The following WDR25 variants were observed in gnomAD, a reference collection of about 807,000 sequenced individuals.
WDR25 encodes WD repeat domain 25, also known as WD repeat-containing protein 25.
A neutral mutation model predicts 47.7 loss-of-function variants in WDR25; 35 were observed. That is an observed-to-expected ratio of 0.73 (90% CI 0.56 to 0.97). The LOEUF is 0.97. Among genes scored for constraint, WDR25 ranks in the 50% least tolerant of loss-of-function variants. WDR25 has a pLI of 0.00. For synonymous variants in WDR25, 248 were observed against 278.9 expected (o/e 0.89, Z 1.10); for missense variants, 634 against 704.7 (o/e 0.90, Z 1.14).
chr14:100,508,414 G>A (rs745435615), intron 4 of WDR25, among the ~76,000 whole-genome samples: 12 of 152,152 alleles, frequency 7.9e-5, no homozygotes, highest in South Asian at 2.1e-4. Context: ...AGTACTGGAA[G>A]TCCTAGCCAG....
chr14:100,427,878 G>A (rs529981763), intron 2 of WDR25, among the ~76,000 whole-genome samples: 1 of 152,324 alleles, frequency 6.6e-6, no homozygotes, highest in African/African-American at 2.4e-5. Flanking sequence ...CTCAGTGTCA[G>A]GAGATGACTC....
rs111976266 is a variant in WDR25 at position 100,513,397 on chromosome 14, C to T, written c.1102-12473C>T. The stretch of plus-strand genomic sequence containing the variant: ...ACAAGCAAGAAGGTGCAAGCCCTCA[C>T]CAGACACTGAATCTGCTGGCACCTC... On this transcript the variant is annotated intron_variant, in intron 4 of 6. Coordinates refer to ENST00000402312, the MANE Select transcript of WDR25 (RefSeq NM_001161476.3). 2.2e-3 allele frequency among the ~76,000 whole-genome samples: 329 copies of T among 152,294 alleles called. 2 individuals are homozygous for T. Among genetic ancestry groups the T allele is most frequent in the African/African-American group, 7.8e-3 (325 of 41,556 alleles).
At chr14:100,411,611 A>G (rs1228059537) in intron 2 of WDR25, among the ~76,000 whole-genome samples, 1 of 150,040 alleles carries the variant, frequency 6.7e-6, no homozygotes, top group African/African-American at 2.5e-5. Context: ...GTCTTGGCTC[A>G]CTGCAACTGC....
chr14:100,501,250 G>A (rs1489277754), intron 4 of WDR25, among the ~76,000 whole-genome samples: 2 of 152,148 alleles, frequency 1.3e-5, no homozygotes, highest in Non-Finnish European at 2.9e-5. Flanking sequence ...GAGGATTAAG[G>A]AGGTCACATG....
intron 2 of WDR25, among the ~76,000 whole-genome samples, chr14:100,412,610 G>C (rs1228586311): frequency 6.6e-6 from 1 of 152,088 alleles, no homozygotes; most frequent in African/African-American, 2.4e-5. Flanking sequence ...ATGTATATGT[G>C]TTTAGGTATT....
At chr14:100,445,761 G>A (rs1164704362) in intron 2 of WDR25, among the ~76,000 whole-genome samples, 5 of 152,192 alleles carry the variant, frequency 3.3e-5, no homozygotes, top group Admixed American at 1.3e-4. Context: ...GGCACAGAAC[G>A]TGTTTGGAAG....
At chr14:100,385,676 T>C (rs1897002639) in intron 2 of WDR25, among the ~76,000 whole-genome samples, 1 of 152,260 alleles carries the variant, frequency 6.6e-6, no homozygotes, top group South Asian at 2.1e-4. Flanking sequence ...GCACCGCTGC[T>C]CTTTCCTGAC....
chr14:100,484,463 G>GGTGTGTGTGTGTGTGTGTGTGC (rs575039124), intron 4 of WDR25, among the ~76,000 whole-genome samples: 1 of 150,146 alleles, frequency 6.7e-6, no homozygotes, highest in East Asian at 2.0e-4. Flanking sequence ...ACAGAGAATT[G>GGTGTGTGTGTGTGTGTGTGTGC]GTGTGTGTGT....
chr14:100,388,439 T>C (rs1291473918), intron 2 of WDR25, among the ~76,000 whole-genome samples: 1 of 152,236 alleles, frequency 6.6e-6, no homozygotes, highest in Non-Finnish European at 1.5e-5. Context: ...CTGGACACTA[T>C]ATTTGCTTCT....
At chr14:100,526,667 C>T (rs2140394079) in intron 5 of WDR25, among the ~76,000 whole-genome samples, 1 of 151,896 alleles carries the variant, frequency 6.6e-6, no homozygotes, top group Admixed American at 6.5e-5. Context: ...ACATCACTAC[C>T]ACCACCAGTG....
chr14:100,459,684 T>C (rs1899313880), intron 2 of WDR25, among the ~76,000 whole-genome samples: 1 of 151,608 alleles, frequency 6.6e-6, no homozygotes, highest in South Asian at 2.1e-4. Context: ...AAGACAGCCA[T>C]CTACAAGTCA....
chr14:100,410,595 C>T (rs542395561), intron 2 of WDR25, among the ~76,000 whole-genome samples: 9 of 152,030 alleles, frequency 5.9e-5, no homozygotes, highest in Non-Finnish European at 1.2e-4. Flanking sequence ...GACATGGGTC[C>T]GTCCTTGCAC....
chr14:100,400,728 T>C (rs1897358314), intron 2 of WDR25, among the ~76,000 whole-genome samples: 2 of 152,224 alleles, frequency 1.3e-5, no homozygotes, highest in South Asian at 4.1e-4. Context: ...GGTCTTTTTG[T>C]TTTCATAATC....
chr14:100,454,687 C>T (rs78373871), intron 2 of WDR25: 1 of 344,406 alleles, frequency 2.9e-6, no homozygotes, highest in Admixed American at 3.8e-5. Context: ...CTGTGCCAGA[C>T]AGGCTGCTAA....
Position 100,498,847 on chromosome 14 carries a change from A to G in WDR25, c.1101+14723A>G, listed in dbSNP as rs1900821329. 6.6e-6 allele frequency among the ~76,000 whole-genome samples: 1 copy of G among 152,238 alleles called. No individual in the cohort carries two copies. The highest frequency in any genetic ancestry group is 1.9e-4 in the East Asian group (1 of 5,194). On this transcript the variant is annotated intron_variant, in intron 4 of 6. Transcript: ENST00000402312. The surrounding 1 kb of genome is among the most constrained non-coding windows in gnomAD (Gnocchi z 4.2). Reference sequence around the variant, plus strand: ...GGGTATCTTTCTCTAATAGGAACCAAGGTGCCATGCGGGCCAGTGGCAGCC... The same window carrying G: ...GGGTATCTTTCTCTAATAGGAACCAGGGTGCCATGCGGGCCAGTGGCAGCC...
chr14:100,504,265 C>T (rs1159158147), intron 4 of WDR25, among the ~76,000 whole-genome samples: 2 of 152,216 alleles, frequency 1.3e-5, no homozygotes, highest in Non-Finnish European at 2.9e-5. Flanking sequence ...CTGGTTGTCT[C>T]ATAATTTGCT....
chr14:100,492,323 C>G (rs1900593480), intron 4 of WDR25, among the ~76,000 whole-genome samples: 1 of 152,174 alleles, frequency 6.6e-6, no homozygotes, highest in Admixed American at 6.5e-5. Context: ...GCCCTGCAAC[C>G]CAGTCCTCCT....
At chr14:100,486,707 C>T (rs1437962314) in intron 4 of WDR25, among the ~76,000 whole-genome samples, 2 of 152,192 alleles carry the variant, frequency 1.3e-5, no homozygotes, top group Admixed American at 1.3e-4. Flanking sequence ...TCTGGCTCAG[C>T]CTGGGCGTGT....
chr14:100,493,399 A>G (rs907629175), intron 4 of WDR25, among the ~76,000 whole-genome samples: 2 of 152,244 alleles, frequency 1.3e-5, no homozygotes, highest in African/African-American at 2.4e-5. Flanking sequence ...TTCGCTTAAC[A>G]TAATGTTTTC....
Sources: gnomAD v4.1 joint callset for allele counts (sites outside exome capture counted in the v4.1 genomes callset) on GRCh38, gnomAD v4.1.1 for gene constraint, Gnocchi (gnomAD v3.1) non-coding constraint, MANE v1.5 for transcripts, NCBI Gene and HGNC (gene_info 2026-07-23, HGNC 2026-07-21) for gene names.